The following PURG variants were observed in gnomAD, a reference collection of about 807,000 sequenced individuals.
PURG encodes the protein purine rich element binding protein G.
A neutral mutation model predicts 24.3 loss-of-function variants in PURG; 3 were observed. The ratio of observed to expected loss-of-function variants is 0.12; its 90% CI spans 0.06 to 0.32. PURG has a LOEUF of 0.32. Among genes scored for constraint, PURG ranks in the 10% least tolerant of loss-of-function variants. The pLI, the probability that PURG is intolerant of heterozygous loss-of-function variation, is 1.00. For missense variants in PURG, 371 were observed against 439.1 expected, an observed-to-expected ratio of 0.84 and a Z score of 1.39; for synonymous variants, 180 against 173.1, an observed-to-expected ratio of 1.04 and a Z score of -0.31.
chr8:31,032,734 C>T lies in PURG; in HGVS notation c.49G>A (p.Gly17Ser), dbSNP rs920364822. 4.1e-6 allele frequency: 6 copies of T among 1,450,944 alleles called. No individual in the cohort carries two copies. In the South Asian group the frequency reaches 6.1e-5, roughly 15 times the overall value. The allele number at this position is 1,450,944 out of a possible 1,614,324, so 89.9% of individuals were successfully genotyped here. ...RGGGGGRGRG[G>S]KNVGGSGLSK... is the part of the protein sequence containing the mutation. ...AGGCCAGAGCCCCCTACATTCTTGC[C>T]TCCGCGGCCGCGGCCGCCGCCGCCT... Residue 17 changes from glycine to serine, a missense_variant, in exon 2 of 2, where the codon GGC (glycine) becomes AGC (serine). By Grantham distance (56) the Gly-to-Ser change is moderately conservative. This residue lies in a region of PURG where 213 missense variants were observed against 230.6 expected (regional missense o/e 0.92). Coordinates refer to ENST00000523392, the MANE Select transcript of PURG (RefSeq NM_001323311.2). The surrounding 1 kb of genome is among the most constrained non-coding windows in gnomAD (Gnocchi z 5.9).
chr8:31,003,016 A>G (rs1369545678), intron 1 of PURG, among the ~76,000 whole-genome samples: 1 of 152,220 alleles, frequency 6.6e-6, no homozygotes, highest in Non-Finnish European at 1.5e-5. Flanking sequence ...GAGGCTTAGT[A>G]TGACAGCACT....
At chr8:31,006,826 C>T (rs1810662145) in intron 1 of PURG, among the ~76,000 whole-genome samples, 1 of 152,172 alleles carries the variant, frequency 6.6e-6, no homozygotes, top group Admixed American at 6.6e-5. Flanking sequence ...CCTTGAACTG[C>T]CATTTCTTAC....
chr8:31,017,175 C>T (rs1376318627), intron 1 of PURG, among the ~76,000 whole-genome samples: 1 of 152,098 alleles, frequency 6.6e-6, no homozygotes, highest in East Asian at 1.9e-4. Context: ...TTGGCATGAA[C>T]ACTGTTTTTT....
At chr8:31,001,350 G>A (rs1810532255) in intron 1 of PURG, among the ~76,000 whole-genome samples, 1 of 152,094 alleles carries the variant, frequency 6.6e-6, no homozygotes, top group Non-Finnish European at 1.5e-5. Flanking sequence ...TTGCTTTGTA[G>A]CTCTTTTCAT....
At chr8:31,026,743 C>T (rs1811097456), downstream of PURG, among the ~76,000 whole-genome samples, 1 of 150,314 alleles carries the variant, frequency 6.7e-6, no homozygotes, top group African/African-American at 2.4e-5. Flanking sequence ...ACTTTTCACC[C>T]TCTACCCATC....
Position 31,001,798 on chromosome 8 carries a change from T to C in PURG, c.865-5101A>G, listed in dbSNP as rs144954930. On this transcript the variant is annotated intron_variant, in intron 1 of 1. Transcript: ENST00000339382. Reference sequence around the variant, plus strand: ...GTATTACTTGTCTTAAAGAATAGGGTAGTATTACTCACTCTTGAAGTGGTA... The same window carrying C: ...GTATTACTTGTCTTAAAGAATAGGGCAGTATTACTCACTCTTGAAGTGGTA... Among the ~76,000 whole-genome samples, 1,299 of 152,248 alleles carry C rather than the reference T, an allele frequency of 8.5e-3. 16 individuals are homozygous for C. The highest frequency in any genetic ancestry group is 0.03 in the African/African-American group (1,231 of 41,544).
chr8:31,010,604 A>G (rs1340835127), intron 1 of PURG, among the ~76,000 whole-genome samples: 2 of 152,182 alleles, frequency 1.3e-5, no homozygotes, highest in African/African-American at 2.4e-5. Context: ...TTTCTATGTT[A>G]TTATTAATAT....
chr8:31,004,998 A>G (rs543631506), intron 1 of PURG, among the ~76,000 whole-genome samples: 42 of 152,352 alleles, frequency 2.8e-4, no homozygotes, highest in African/African-American at 9.9e-4. Flanking sequence ...GTGTCAATCA[A>G]GATATTCAGT....
intron 1 of PURG, among the ~76,000 whole-genome samples, chr8:31,012,654 A>G (rs1268839439): frequency 6.6e-6 from 1 of 152,212 alleles, no homozygotes; most frequent in African/African-American, 2.4e-5. Flanking sequence ...GTTCTTAGAG[A>G]TCATCACTCT....
downstream of PURG, among the ~76,000 whole-genome samples, chr8:31,026,659 T>TATATATATAC (rs1554513481): frequency 6.3e-5 from 9 of 143,726 alleles, no homozygotes; most frequent in South Asian, 4.4e-4. Context: ...TATATATATA[T>TATATATATAC]ATACATACAC....
At chr8:31,028,629 C>A (rs1336195229), downstream of PURG, among the ~76,000 whole-genome samples, 1 of 151,744 alleles carries the variant, frequency 6.6e-6, no homozygotes, top group Non-Finnish European at 1.5e-5. Context: ...ACTCAAGTTT[C>A]AGGGACATGG....
rs561223885 is a variant in PURG, at chr8:31,031,772, C to T, written c.1011G>A (p.Lys337=). The change falls in exon 2 of 2, where the codon AAG becomes AAA. Residue 337 remains lysine, a synonymous_variant. Transcript: ENST00000523392. ...GGCATTCTTGTTCTTCACCACTGGC[C>T]TTTCTGCCATCCATTCTCTTTTCTT... ...SHKEKRMDGR[K]ASGEEQECLD 127 of 1,551,696 alleles carry T rather than the reference C, an allele frequency of 8.2e-5. No individual in the cohort carries two copies. The highest frequency in any genetic ancestry group is 1.1e-4 in the Non-Finnish European group (124 of 1,147,042).
chr8:31,022,418 A>G (rs963057556), intron 1 of PURG, among the ~76,000 whole-genome samples: 1 of 152,232 alleles, frequency 6.6e-6, no homozygotes, highest in African/African-American at 2.4e-5. Context: ...AAACTGTCAT[A>G]TAGAAATCTG....
intron 1 of PURG, among the ~76,000 whole-genome samples, chr8:31,016,051 TCAAAAACAAACAAACAAACAACGA>T (rs1810856889): frequency 6.6e-6 from 1 of 151,688 alleles, no homozygotes; most frequent in African/African-American, 2.4e-5. Context: ...AGACCCTGTC[TCAAAAACAAACAAACAAACAACGA>T]CAAAAACATA....
chr8:31,029,518 G>GTA (rs535958756), downstream of PURG, among the ~76,000 whole-genome samples: 114 of 151,620 alleles, frequency 7.5e-4, 1 homozygote, highest in South Asian at 1.9e-3. Flanking sequence ...ATGTCTGTGT[G>GTA]TATATATATA....
At chr8:31,008,202 C>T (rs768750080) in intron 1 of PURG, among the ~76,000 whole-genome samples, 23 of 152,132 alleles carry the variant, frequency 1.5e-4, no homozygotes, top group Non-Finnish European at 3.1e-4. Flanking sequence ...CCATCCATTT[C>T]GTGGGTTGGG....
intron 1 of PURG, among the ~76,000 whole-genome samples, chr8:31,008,616 T>A (rs1467211882): frequency 1.3e-5 from 2 of 152,202 alleles, no homozygotes; most frequent in Non-Finnish European, 2.9e-5. Context: ...TTAACTTTTT[T>A]AAGAGAATTC....
downstream of PURG, among the ~76,000 whole-genome samples, chr8:31,027,359 T>A (rs531836280): frequency 6.6e-6 from 1 of 151,688 alleles, no homozygotes; most frequent in Admixed American, 6.6e-5. Flanking sequence ...ATAGTTCCAA[T>A]GAAAAACATT....
Position 31,032,650 on chromosome 8 carries a change from A to G in PURG, c.133T>C (p.Ser45Pro), listed in dbSNP as rs369767223. 6 of 1,577,766 alleles carry G rather than the reference A, an allele frequency of 3.8e-6. No homozygotes were observed. Among genetic ancestry groups the G allele is most frequent in the Non-Finnish European group, 5.2e-6 (6 of 1,160,358 alleles). Residue 45 changes from serine (S) to proline (P), a missense_variant, in exon 2 of 2, where the codon TCA (serine) becomes CCA (proline). Transcript: ENST00000523392. This position sits in a 1 kb window ranked among gnomAD's most constrained non-coding sequence, Gnocchi z 5.9. Reference protein sequence around the residue: ...QHSHYPHYAASATPNQAGGAA... With the variant: ...QHSHYPHYAAPATPNQAGGAA... ...CCCCCGGCCTGATTAGGGGTGGCTG[A>G]GGCCGCGTAGTGGGGGTAGTGGGAG...
Sources: gnomAD v4.1 joint callset for allele counts (sites outside exome capture counted in the v4.1 genomes callset) on GRCh38, gnomAD v4.1.1 for gene constraint, gnomAD v4.1.1 regional missense constraint, Gnocchi (gnomAD v3.1) non-coding constraint, MANE v1.5 for transcripts, NCBI Gene and HGNC (gene_info 2026-07-23, HGNC 2026-07-21) for gene names.